The following PCDHGA9 variants were observed in gnomAD, a reference collection of about 807,000 sequenced individuals.
PCDHGA9 encodes protocadherin gamma-A9.
A neutral mutation model predicts 62.5 loss-of-function variants in PCDHGA9; 37 were observed. The observed-to-expected ratio is 0.59, with a 90% CI of 0.46 to 0.78. The LOEUF is 0.78. Ranked by LOEUF, PCDHGA9 falls within the 30% of genes least tolerant of loss-of-function variation. The pLI is 0.00. For missense variants in PCDHGA9, 1,138 were observed against 1,166.2 expected, an observed-to-expected ratio of 0.98 and a Z score of 0.35; for synonymous variants, 459 against 484.6, an observed-to-expected ratio of 0.95 and a Z score of 0.69.
intron 1 of PCDHGA9, chr5:141,413,395 G>C: frequency 6.2e-7 from 1 of 1,614,050 alleles, no homozygotes; most frequent in Non-Finnish European, 8.5e-7. Context: ...AGTCTCCAGA[G>C]GTAGGACGCA....
rs1036126623 is a variant in PCDHGA9, at chr5:141,410,753, T to A, written c.2424+5377T>A. On this transcript the variant is annotated intron_variant, in intron 1 of 3. Transcript: ENST00000573521. ...AGCTTTTTACAATATTTTCTCAATG[T>A]TTTTTCAATTATAGTTTTCACTATG... 4.1e-6 allele frequency: 5 copies of A among 1,229,696 alleles called. No individual in the cohort carries two copies. In the African/African-American group the frequency reaches 6.1e-5, roughly 15 times the overall value. 76.2% of individuals were successfully genotyped at this position (1,229,696 alleles called of 1,614,324 possible). A position where few individuals can be genotyped will look rare whatever the true frequency, so the allele number is the denominator to read the frequency against.
chr5:141,478,096 T>C (rs749277013), intron 1 of PCDHGA9: 1 of 1,614,074 alleles, frequency 6.2e-7, no homozygotes, highest in South Asian at 1.1e-5. Context: ...CCACCACTGC[T>C]ACCCTCACTG....
In PCDHGA9 at chr5:141,428,146, C is replaced by G. The variant is rs549173211; in HGVS notation, c.2424+22770C>G. The G allele has an allele frequency of 1.3e-5, 21 of 1,589,348 alleles. No individual in the cohort carries two copies. The East Asian group carries it at 4.0e-4, about 30-fold the overall frequency. Reference sequence around the variant, plus strand: ...GGGCTTTTCAGCCTGGGGCTGCACACGGGAACCTGCTGGTTGCTGTGCGTG... The same window carrying G: ...GGGCTTTTCAGCCTGGGGCTGCACAGGGGAACCTGCTGGTTGCTGTGCGTG... On this transcript the variant is annotated intron_variant, in intron 1 of 3. Transcript: ENST00000573521.
chr5:141,427,491 G>A (rs1158414276), intron 1 of PCDHGA9: 1 of 553,626 alleles, frequency 1.8e-6, no homozygotes, highest in Non-Finnish European at 3.4e-6. Context: ...CTATAAGCTT[G>A]TAACAGATGG....
intron 1 of PCDHGA9, among the ~76,000 whole-genome samples, chr5:141,480,451 T>G (rs2099519323): frequency 6.6e-6 from 1 of 152,136 alleles, no homozygotes; most frequent in African/African-American, 2.4e-5. Flanking sequence ...ATAATTATTT[T>G]TATTAGTTCC....
intron 2 of PCDHGA9, among the ~76,000 whole-genome samples, chr5:141,502,686 C>T (rs2099815631): frequency 6.6e-6 from 1 of 152,136 alleles, no homozygotes; most frequent in Admixed American, 6.5e-5. Flanking sequence ...CCCTGATGAT[C>T]CTTGCCTGTA....
intron 1 of PCDHGA9, among the ~76,000 whole-genome samples, chr5:141,429,660 ATATAT>A (rs1388009014): frequency 1.3e-5 from 2 of 152,336 alleles, no homozygotes; most frequent in African/African-American, 4.8e-5. Flanking sequence ...CCAATTTAAA[ATATAT>A]TATTTTATTT....
At chr5:141,409,502 T>G (rs1311120933) in intron 1 of PCDHGA9, 17 of 1,613,868 alleles carry the variant, frequency 1.1e-5, no homozygotes, top group Non-Finnish European at 1.4e-5. Context: ...GCCTCTTTCT[T>G]CCAGTAGAAG....
At chr5:141,437,459 C>T (rs749625924) in intron 1 of PCDHGA9, among the ~76,000 whole-genome samples, 1 of 152,140 alleles carries the variant, frequency 6.6e-6, no homozygotes, top group Admixed American at 6.5e-5. Context: ...GGAGACTATA[C>T]TATACTTTTA....
At chr5:141,418,530 G>T in intron 1 of PCDHGA9, 6 of 1,613,952 alleles carry the variant, frequency 3.7e-6, no homozygotes, top group Non-Finnish European at 5.1e-6. Flanking sequence ...CCCCGAAGCG[G>T]TACTGCTCAG....
Position 141,486,558 on chromosome 5 carries a change from T to C in PCDHGA9, c.2425-8249T>C, listed in dbSNP as rs544575797. 1 of 1,614,034 alleles carries C rather than the reference T, an allele frequency of 6.2e-7. No homozygotes were observed. Among genetic ancestry groups the C allele is most frequent in the Non-Finnish European group, 8.5e-7 (1 of 1,180,012 alleles). ...TCTTTCTTTCAGAGGTCACATGAGG[T>C]GTTTGTTCCTGAGAACAATCGCCCA... On this transcript the variant is annotated intron_variant, in intron 1 of 3. Coordinates refer to ENST00000573521, the MANE Select transcript of PCDHGA9 (RefSeq NM_018921.3). This position sits in a 1 kb window ranked among gnomAD's most constrained non-coding sequence, Gnocchi z 5.0.
intron 1 of PCDHGA9, chr5:141,419,412 G>A (rs770138290): frequency 1.9e-6 from 3 of 1,613,446 alleles, no homozygotes; most frequent in South Asian, 2.2e-5. Context: ...TTCGCGCAGC[G>A]CGCCTTCGAC....
Position 141,432,155 on chromosome 5 carries a change from C to T in PCDHGA9, c.2424+26779C>T, listed in dbSNP as rs368480052. 3.8e-5 allele frequency: 62 copies of T among 1,614,178 alleles called. No individual in the cohort carries two copies. In the African/African-American group the frequency reaches 7.1e-4, roughly 18 times the overall value. On this transcript the variant is annotated intron_variant, in intron 1 of 3. Coordinates refer to ENST00000573521, the MANE Select transcript of PCDHGA9 (RefSeq NM_018921.3). This position sits in a 1 kb window ranked among gnomAD's most constrained non-coding sequence, Gnocchi z 6.0. ...TTCCGCTTATATCCCAGAGAACAATCCCAGAGGAGTTTCCCTCGTCTCTGT... is the reference window on the plus strand; with the variant it reads ...TTCCGCTTATATCCCAGAGAACAATTCCAGAGGAGTTTCCCTCGTCTCTGT...
chr5:141,500,521 A>T lies in PCDHGA9; in HGVS notation c.2484-4872A>T, dbSNP rs185546944. 3.7e-3 allele frequency among the ~76,000 whole-genome samples: 560 copies of T among 152,176 alleles called. 5 individuals are homozygous for T. Among genetic ancestry groups the T allele is most frequent in the Admixed American group, 0.011 (162 of 15,280 alleles). On this transcript the variant is annotated intron_variant, in intron 2 of 3. Coordinates refer to ENST00000573521, the MANE Select transcript of PCDHGA9 (RefSeq NM_018921.3). Reference sequence around the variant, plus strand: ...ACCGCGCCTGGCCGAGCTTCATTTTAAAAAAATCTCATTCACCTAAATAAG... The same window carrying T: ...ACCGCGCCTGGCCGAGCTTCATTTTTAAAAAATCTCATTCACCTAAATAAG...
chr5:141,463,990 G>C (rs2099073582), intron 1 of PCDHGA9, among the ~76,000 whole-genome samples: 1 of 151,990 alleles, frequency 6.6e-6, no homozygotes, highest in Admixed American at 6.6e-5. Context: ...TAAAAACCAG[G>C]TGCAGTGGCT....
Position 141,402,977 on chromosome 5 carries a change from C to T in PCDHGA9, c.25C>T (p.Leu9Phe). ...AATGGCAGCTCCAACCAAATGCCAG[C>T]TCCGCGGAAGATTAGTCCTGCTATG... Reference protein sequence around the residue: MAAPTKCQLRGRLVLLCSL... With the variant: MAAPTKCQFRGRLVLLCSL... The change falls in exon 1 of 4, where the codon CTC becomes TTC. Residue 9 changes from leucine to phenylalanine, a missense_variant. Transcript: ENST00000573521. The T allele has an allele frequency of 1.2e-6, 2 of 1,608,138 alleles. No homozygotes were observed. The highest frequency in any genetic ancestry group is 8.5e-7 in the Non-Finnish European group (1 of 1,176,906).
intron 1 of PCDHGA9, among the ~76,000 whole-genome samples, chr5:141,438,349 C>G (rs892834423): frequency 6.6e-6 from 1 of 151,762 alleles, no homozygotes; most frequent in Non-Finnish European, 1.5e-5. Flanking sequence ...AGGATCTACT[C>G]TGTGTATTGT....
chr5:141,442,534 GA>G (rs1156284172), intron 1 of PCDHGA9: 1 of 152,222 alleles, frequency 6.6e-6, no homozygotes, highest in Non-Finnish European at 1.5e-5. Context: ...TCTCCAAGGT[GA>G]AAAATTCTTG....
In PCDHGA9 at chr5:141,402,871, A is replaced by G; in HGVS notation, c.-82A>G. On this transcript the variant is annotated 5_prime_UTR_variant, in exon 1 of 4. Transcript: ENST00000573521. The stretch of plus-strand genomic sequence containing the variant: ...TCTTTCTTCTAAGGAAAAGATCACC[A>G]TACTTTGCAGGGTGGAAGAAAGAAC... 6.9e-7 allele frequency: 1 copy of G among 1,452,626 alleles called. No individual in the cohort carries two copies. The highest frequency in any genetic ancestry group is 9.1e-7 in the Non-Finnish European group (1 of 1,100,822). 90.0% of individuals were successfully genotyped at this position (1,452,626 alleles called of 1,614,324 possible).
Sources: allele counts gnomAD v4.1 joint callset (sites outside exome capture counted in the v4.1 genomes callset), GRCh38; gene constraint gnomAD v4.1.1; non-coding constraint Gnocchi (gnomAD v3.1); transcripts MANE v1.5; gene names NCBI Gene and HGNC (gene_info 2026-07-23, HGNC 2026-07-21).